Variants in MED13L observed in about 807,000 individuals in gnomAD.
MED13L encodes mediator of RNA polymerase II transcription subunit 13-like.
A neutral mutation model predicts 220.9 loss-of-function variants in MED13L; 7 were observed. That is an observed-to-expected ratio of 0.03 (90% CI 0.02 to 0.06). MED13L has a LOEUF of 0.06. Ranked by LOEUF, MED13L falls within the 10% of genes least tolerant of loss-of-function variation. The pLI, the probability that MED13L is intolerant of heterozygous loss-of-function variation, is 1.00. For synonymous variants in MED13L, 1,011 were observed against 1,015.2 expected (o/e 1.00, Z 0.08); for missense variants, 1,965 against 2,760.5 (o/e 0.71, Z 6.46).
intron 26 of MED13L, 147 bp downstream of exon 26, chr12:115,971,931 C>T (rs1040911397): frequency 6.3e-6 from 6 of 954,902 alleles, no homozygotes; most frequent in East Asian, 5.3e-5. Context: ...TGGAAGGTAT[C>T]GAATGTTTTC....
chr12:116,264,175 C>A (rs1388512835), intron 1 of MED13L, among the ~76,000 whole-genome samples: 1 of 152,116 alleles, frequency 6.6e-6, no homozygotes, highest in Non-Finnish European at 1.5e-5. Flanking sequence ...AAAGAGGCAA[C>A]CCTTAAAATA....
chr12:116,127,638 T>C (rs1875706149), intron 2 of MED13L, among the ~76,000 whole-genome samples: 1 of 152,178 alleles, frequency 6.6e-6, no homozygotes, highest in African/African-American at 2.4e-5. Context: ...GGACAGAAGA[T>C]ATACTAACAC....
At chr12:116,079,413 G>T (rs370274196) in intron 4 of MED13L, among the ~76,000 whole-genome samples, 4 of 151,844 alleles carry the variant, frequency 2.6e-5, no homozygotes, top group Admixed American at 6.6e-5. Context: ...GATGGGGGAG[G>T]GGGGGTCTCA....
chr12:116,104,939 T>C (rs974775177), intron 3 of MED13L, among the ~76,000 whole-genome samples: 68 of 152,152 alleles, frequency 4.5e-4, no homozygotes, highest in African/African-American at 1.6e-3. Flanking sequence ...AGAAAAACTC[T>C]TTTAAGTTTT....
chr12:116,230,414 A>T, intron 2 of MED13L: 1 of 914,404 alleles, frequency 1.1e-6, no homozygotes, highest in Non-Finnish European at 1.3e-6. Context: ...ACAATAAAAA[A>T]AAGTAAAATG....
At chr12:116,161,892 C>T (rs1043348140) in intron 2 of MED13L, among the ~76,000 whole-genome samples, 3 of 152,120 alleles carry the variant, frequency 2.0e-5, no homozygotes, top group Admixed American at 2.0e-4. Flanking sequence ...ATCACCTTTA[C>T]TCACTGTATC....
intron 2 of MED13L, among the ~76,000 whole-genome samples, chr12:116,227,361 A>G (rs1211694922): frequency 1.3e-5 from 2 of 152,184 alleles, no homozygotes; most frequent in Admixed American, 6.5e-5. Flanking sequence ...ATCTCATTTT[A>G]TTGCATTTCA....
intron 2 of MED13L, among the ~76,000 whole-genome samples, chr12:116,184,558 T>C (rs958042242): frequency 2.0e-5 from 3 of 152,116 alleles, no homozygotes; most frequent in Admixed American, 6.5e-5. Context: ...TTGTGGCAAA[T>C]CCTCAAAATG....
chr12:116,203,286 T>C (rs900300506), intron 2 of MED13L, among the ~76,000 whole-genome samples: 1 of 152,194 alleles, frequency 6.6e-6, no homozygotes, highest in African/African-American at 2.4e-5. Context: ...ACAAAATAAA[T>C]AGGCCTTAAA....
chr12:116,022,219 A>G (rs557891669), intron 5 of MED13L, among the ~76,000 whole-genome samples: 72 of 152,326 alleles, frequency 4.7e-4, no homozygotes, highest in African/African-American at 1.6e-3. Flanking sequence ...TTATTCTTAC[A>G]AAAGAATACA....
chr12:116,018,579 C>A (rs1459441608), intron 7 of MED13L, among the ~76,000 whole-genome samples: 1 of 152,034 alleles, frequency 6.6e-6, no homozygotes, highest in Non-Finnish European at 1.5e-5. Flanking sequence ...AGGTCAACTA[C>A]AACAATAACA....
At chr12:116,093,890 ATT>A (rs1872453591) in intron 4 of MED13L, among the ~76,000 whole-genome samples, 1 of 152,104 alleles carries the variant, frequency 6.6e-6, no homozygotes, top group African/African-American at 2.4e-5. Context: ...AATTTAATTC[ATT>A]TCTCTCTCTC....
chr12:115,988,792 A>C (rs1166664544), intron 17 of MED13L, among the ~76,000 whole-genome samples: 3 of 152,156 alleles, frequency 2.0e-5, no homozygotes, highest in Non-Finnish European at 4.4e-5. Flanking sequence ...TTTCATCCTG[A>C]AAGACGACAC....
At position 116,013,036 on chromosome 12, in the gene MED13L, G is replaced by GA. The variant is rs1017101406; in HGVS notation, c.1176-136dup. The GA allele has an allele frequency of 3.1e-4, 217 of 699,184 alleles. No individual in the cohort carries two copies. In the African/African-American group the frequency reaches 3.6e-3, roughly 12 times the overall value. The allele number at this position is 699,184 out of a possible 1,614,324, so 43.3% of individuals were successfully genotyped here. On this transcript the variant is annotated intron_variant, in intron 8 of 30. Transcript: ENST00000281928. ...TGACATGTAGTTCAGAGCAACCAAT[G>GA]AATAAAACAACCTGTTTTATGTACT...
chr12:116,012,717 T>C (rs1161638806), intron 9 of MED13L, 80 bp downstream of exon 9: 12 of 1,017,794 alleles, frequency 1.2e-5, no homozygotes, highest in Non-Finnish European at 1.9e-5. Flanking sequence ...CAGGAAGAAC[T>C]GATCTGTGAG....
At chr12:116,194,143 A>G (rs535527677) in intron 2 of MED13L, among the ~76,000 whole-genome samples, 1 of 152,078 alleles carries the variant, frequency 6.6e-6, no homozygotes, top group African/African-American at 2.4e-5. Context: ...CAAAAAAATA[A>G]CCCTGTCTAT....
intron 3 of MED13L, among the ~76,000 whole-genome samples, chr12:116,108,333 T>C (rs1030784444): frequency 7.3e-6 from 1 of 137,284 alleles, no homozygotes; most frequent in African/African-American, 2.7e-5. Context: ...GGAAGAACTG[T>C]CGTGGGCCAC....
rs1331142611 is a variant in MED13L at position 116,233,167 on chromosome 12, C to G, written c.310+4301G>C. The stretch of plus-strand genomic sequence containing the variant: ...AGTCCACTCAGCACACTGTATTAAT[C>G]TCTAAAACTTAAATTAAAATGTAGA... On this transcript the variant is annotated intron_variant, in intron 2 of 30. Transcript: ENST00000281928. Among the ~76,000 whole-genome samples the G allele has an allele frequency of 2.0e-5, 3 of 150,224 alleles. No homozygotes were observed. The East Asian group carries it at 5.8e-4, about 29-fold the overall frequency.
At chr12:116,161,387 C>T (rs1376830185) in intron 2 of MED13L, among the ~76,000 whole-genome samples, 2 of 152,098 alleles carry the variant, frequency 1.3e-5, no homozygotes, top group African/African-American at 2.4e-5. Flanking sequence ...TATATATATA[C>T]ACTTCCCAAC....
Sources: gnomAD v4.1 joint callset for allele counts (sites outside exome capture counted in the v4.1 genomes callset) on GRCh38, gnomAD v4.1.1 for gene constraint, MANE v1.5 for transcripts, NCBI Gene and HGNC (gene_info 2026-07-23, HGNC 2026-07-21) for gene names.